MGLL: variants seen among roughly 807,000 people sequenced by gnomAD.
MGLL encodes lysophospholipase homolog.
A neutral mutation model predicts 29.1 loss-of-function variants in MGLL; 7 were observed. The observed-to-expected ratio is 0.24, with a 90% CI of 0.14 to 0.45. The LOEUF is 0.45. Among genes scored for constraint, MGLL ranks in the 20% least tolerant of loss-of-function variants. The pLI is 0.99. For missense variants in MGLL, 356 were observed against 413.6 expected (o/e 0.86, Z 1.21); for synonymous variants, 148 against 168.3 (o/e 0.88, Z 0.93).
At chr3:127,692,350 G>A (rs1456197109) in intron 7 of MGLL, 27 bp from the exon 8 acceptor site, 3 of 1,613,784 alleles carry the variant, frequency 1.9e-6, no homozygotes, top group East Asian at 4.5e-5. Flanking sequence ...CACGGAATCA[G>A]AGCTGCACCA....
chr3:127,762,422 T>C lies in MGLL; in HGVS notation c.262+19367A>G, dbSNP rs141969555. On this transcript the variant is annotated intron_variant, in intron 3 of 7. Coordinates refer to ENST00000265052, the MANE Select transcript of MGLL (RefSeq NM_007283.7). ...CACCCCCAGCCTTTCTTAAGGGCTG[T>C]GTCAAAGCGAAGCCAGCCCTGACCC... Among the ~76,000 whole-genome samples the C allele has an allele frequency of 3.3e-3, 498 of 152,304 alleles. 3 individuals carry two copies. Among genetic ancestry groups the C allele is most frequent in the African/African-American group, 0.011 (467 of 41,548 alleles).
At chr3:127,733,639 G>T (rs1379056119) in intron 3 of MGLL, among the ~76,000 whole-genome samples, 1 of 152,174 alleles carries the variant, frequency 6.6e-6, no homozygotes, top group Non-Finnish European at 1.5e-5. Context: ...CCTAGAGAGA[G>T]GGGAGGCTGA....
At chr3:127,758,574 T>C (rs1291128139) in intron 3 of MGLL, among the ~76,000 whole-genome samples, 1 of 152,192 alleles carries the variant, frequency 6.6e-6, no homozygotes, top group Non-Finnish European at 1.5e-5. Flanking sequence ...CCCTGAGCCT[T>C]GTATAATTAA....
At chr3:127,772,238 A>G (rs1198353330) in intron 3 of MGLL, among the ~76,000 whole-genome samples, 3 of 152,116 alleles carry the variant, frequency 2.0e-5, no homozygotes, top group Non-Finnish European at 4.4e-5. Context: ...TGAAGCCACA[A>G]TTCAAGGCCT....
At chr3:127,698,916 G>C (rs2075424220) in intron 6 of MGLL, among the ~76,000 whole-genome samples, 1 of 152,244 alleles carries the variant, frequency 6.6e-6, no homozygotes, top group South Asian at 2.1e-4. Context: ...GCTGAGACCA[G>C]GGTCTGCTGG....
chr3:127,803,200 G>A (rs1007385324), intron 2 of MGLL, among the ~76,000 whole-genome samples: 4 of 152,060 alleles, frequency 2.6e-5, no homozygotes, highest in Non-Finnish European at 4.4e-5. Flanking sequence ...GGCTGGTCTC[G>A]AACTCCTGGC....
intron 2 of MGLL, among the ~76,000 whole-genome samples, chr3:127,787,372 A>G (rs545625083): frequency 6.6e-6 from 1 of 152,290 alleles, no homozygotes; most frequent in Non-Finnish European, 1.5e-5. Flanking sequence ...CCTCCCTAGG[A>G]GGCTGCCAAG....
At chr3:127,729,841 C>G (rs2076116144) in intron 3 of MGLL, among the ~76,000 whole-genome samples, 1 of 152,184 alleles carries the variant, frequency 6.6e-6, no homozygotes, top group South Asian at 2.1e-4. Flanking sequence ...TGCGAGCTCT[C>G]CCTGGTCCAA....
intron 3 of MGLL, among the ~76,000 whole-genome samples, chr3:127,743,455 CA>C (rs1454875147): frequency 1.3e-5 from 2 of 150,890 alleles, no homozygotes; most frequent in East Asian, 3.9e-4. Flanking sequence ...GAAATAAGAC[CA>C]ATGACAAATT....
At chr3:127,794,678 C>T (rs1292395904) in intron 2 of MGLL, among the ~76,000 whole-genome samples, 1 of 152,080 alleles carries the variant, frequency 6.6e-6, no homozygotes, top group Non-Finnish European at 1.5e-5. Context: ...AACTATCTTC[C>T]ACGATGTGGA....
At chr3:127,720,109 G>A (rs534860944) in intron 5 of MGLL, among the ~76,000 whole-genome samples, 46 of 152,296 alleles carry the variant, frequency 3.0e-4, no homozygotes, top group African/African-American at 1.0e-3. Flanking sequence ...GGGGGAATAA[G>A]AGCTAATGTC....
intron 3 of MGLL, among the ~76,000 whole-genome samples, chr3:127,725,105 G>C (rs192008579): frequency 6.6e-6 from 1 of 151,660 alleles, no homozygotes; most frequent in South Asian, 2.1e-4. Flanking sequence ...TGGAGGCTCC[G>C]TGCGACCCTC....
intron 3 of MGLL, among the ~76,000 whole-genome samples, chr3:127,762,867 C>A (rs1321464742): frequency 6.6e-6 from 1 of 152,196 alleles, no homozygotes; most frequent in African/African-American, 2.4e-5. Flanking sequence ...CCATTATTAC[C>A]ATCTCAACTT....
At chr3:127,791,457 T>C (rs2077299170) in intron 2 of MGLL, among the ~76,000 whole-genome samples, 1 of 152,262 alleles carries the variant, frequency 6.6e-6, no homozygotes, top group African/African-American at 2.4e-5. Context: ...CAGTTGATTA[T>C]GTTTTGTTTA....
At chr3:127,730,993 T>C (rs2107640380) in intron 3 of MGLL, among the ~76,000 whole-genome samples, 1 of 152,222 alleles carries the variant, frequency 6.6e-6, no homozygotes, top group East Asian at 1.9e-4. Context: ...AGAAGGTGGG[T>C]GTTTGATCAA....
At chr3:127,723,834 T>C (rs1477150160) in intron 3 of MGLL, among the ~76,000 whole-genome samples, 1 of 152,132 alleles carries the variant, frequency 6.6e-6, no homozygotes, top group Non-Finnish European at 1.5e-5. Flanking sequence ...GTCCCCCAAA[T>C]CCATATGTTG....
At chr3:127,723,009 G>A (rs2075961469) in intron 3 of MGLL, among the ~76,000 whole-genome samples, 1 of 152,232 alleles carries the variant, frequency 6.6e-6, no homozygotes, top group Non-Finnish European at 1.5e-5. Flanking sequence ...ACTAGGTAGA[G>A]TGGTACACTC....
At chr3:127,801,393 G>C (rs903953679) in intron 2 of MGLL, among the ~76,000 whole-genome samples, 1 of 151,648 alleles carries the variant, frequency 6.6e-6, no homozygotes, top group Non-Finnish European at 1.5e-5. Flanking sequence ...GAGGCTGGTG[G>C]ATCACCTGAG....
At chr3:127,693,941 T>C (rs1393680146) in intron 7 of MGLL, among the ~76,000 whole-genome samples, 4 of 152,312 alleles carry the variant, frequency 2.6e-5, no homozygotes, top group African/African-American at 9.6e-5. Context: ...TCAGTGATGC[T>C]CTCATGGATG....
Sources: gnomAD v4.1 joint callset for allele counts (sites outside exome capture counted in the v4.1 genomes callset) on GRCh38, gnomAD v4.1.1 for gene constraint, MANE v1.5 for transcripts, NCBI Gene and HGNC (gene_info 2026-07-23, HGNC 2026-07-21) for gene names.